Variants in WNT10B observed in about 807,000 individuals in gnomAD.
The protein encoded by WNT10B is Wnt family member 10B.
A neutral mutation model predicts 32.7 loss-of-function variants in WNT10B; 26 were observed. The ratio of observed to expected loss-of-function variants is 0.79; its 90% CI spans 0.58 to 1.10. The LOEUF is 1.10. Ranked by LOEUF, WNT10B falls within the 50% of genes least tolerant of loss-of-function variation. The pLI, the probability that WNT10B is intolerant of heterozygous loss-of-function variation, is 0.00. For synonymous variants in WNT10B, 204 were observed against 220.4 expected, an observed-to-expected ratio of 0.93 and a Z score of 0.66; for missense variants, 474 against 532.5, an observed-to-expected ratio of 0.89 and a Z score of 1.08.
intron 4 of WNT10B, 48 bp from the exon 5 acceptor site, chr12:48,966,601 C>A: frequency 6.3e-7 from 1 of 1,599,910 alleles, no homozygotes. Flanking sequence ...AGCAAATGGA[C>A]AGAACACAGA....
In WNT10B at chr12:48,970,427, T is replaced by C; in HGVS notation, c.74+29A>G. 5 of 1,613,748 alleles carry C rather than the reference T, an allele frequency of 3.1e-6. No homozygotes were observed. In the South Asian group the frequency reaches 4.4e-5, roughly 14 times the overall value. Reference sequence around the variant, plus strand: ...TCCCCACCCCGGGTCGGTGTTTCTATGGCCTGGGAGACAAGGGGAACTGCT... The same window carrying C: ...TCCCCACCCCGGGTCGGTGTTTCTACGGCCTGGGAGACAAGGGGAACTGCT... On this transcript the variant is annotated intron_variant, in intron 2 of 4. Transcript: ENST00000301061. This position sits in a 1 kb window ranked among gnomAD's most constrained non-coding sequence, Gnocchi z 5.0.
In WNT10B at chr12:48,965,912, G is replaced by A; in HGVS notation, c.*183C>T. 1 of 685,254 alleles carries A rather than the reference G, an allele frequency of 1.5e-6. No individual in the cohort carries two copies. The highest frequency in any genetic ancestry group is 2.5e-6 in the Non-Finnish European group (1 of 406,904). The allele number at this position is 685,254 out of a possible 1,614,324, so 42.4% of individuals were successfully genotyped here. A position where few individuals can be genotyped will look rare whatever the true frequency, so the allele number is the denominator to read the frequency against. On this transcript the variant is annotated 3_prime_UTR_variant, in exon 5 of 5. Coordinates refer to ENST00000301061, the MANE Select transcript of WNT10B (RefSeq NM_003394.4). Reference sequence around the variant, plus strand: ...AGCTTCCCCTCAAGACCCTCCAATTGTTGGGGAGAAGGCTACACATCCCAG... The same window carrying A: ...AGCTTCCCCTCAAGACCCTCCAATTATTGGGGAGAAGGCTACACATCCCAG...
Position 48,965,802 on chromosome 12 carries a change from GC to G in WNT10B, c.*292del. 1 of 449,570 alleles carries G rather than the reference GC, an allele frequency of 2.2e-6. No individual in the cohort carries two copies. Among genetic ancestry groups the G allele is most frequent in the Non-Finnish European group, 4.1e-6 (1 of 244,526 alleles). The allele number at this position is 449,570 out of a possible 1,614,324, so 27.8% of individuals were successfully genotyped here. On this transcript the variant is annotated 3_prime_UTR_variant, in exon 5 of 5. Transcript: ENST00000301061. ...AGGAGTATGAATCAGGGTTAAAGGGGCTCTGGAGTTGAGAAGTGGGAGGAGC... is the reference window on the plus strand; with the variant it reads ...AGGAGTATGAATCAGGGTTAAAGGGGTCTGGAGTTGAGAAGTGGGAGGAGC...
rs200116103 is a variant in WNT10B at position 48,966,433 on chromosome 12, G to A, written c.832C>T (p.Arg278Trp). The A allele has an allele frequency of 7.4e-6, 12 of 1,614,000 alleles. No homozygotes were observed. The highest frequency in any genetic ancestry group is 2.2e-5 in the East Asian group (1 of 44,874). Residue 278 changes from arginine to tryptophan, a missense_variant, in exon 5 of 5, where the codon CGG becomes TGG. Physicochemically the swap from Arg to Trp is moderately radical, Grantham distance 101. Transcript: ENST00000301061. ...FRAVGAALRE[R>W]LGRAIFIDTH... ...TCAATGAAGATGGCCCGGCCCAGCC[G>A]CTCCCTCAACGCCGCCCCCACTGCC...
Position 48,970,676 on chromosome 12 carries a change from CCCTT to C in WNT10B, c.-40-111_-40-108del. 1.3e-6 allele frequency: 1 copy of C among 774,632 alleles called. No individual in the cohort carries two copies. Among genetic ancestry groups the C allele is most frequent in the Admixed American group, 2.6e-5 (1 of 38,804 alleles). 48.0% of individuals were successfully genotyped at this position (774,632 alleles called of 1,614,324 possible). On this transcript the variant is annotated intron_variant, in intron 1 of 4. Transcript: ENST00000301061. This position sits in a 1 kb window ranked among gnomAD's most constrained non-coding sequence, Gnocchi z 5.0. ...TAACCCACCGGTGCCACCCTACTGA[CCCTT>C]CTCATTCCTCCTCAAACAAAACAAG...
rs545738992 is a variant in WNT10B at position 48,966,174 on chromosome 12, C to A, written c.1091G>T (p.Cys364Phe). 1 of 1,613,584 alleles carries A rather than the reference C, an allele frequency of 6.2e-7. No homozygotes were observed. Among genetic ancestry groups the A allele is most frequent in the Admixed American group, 1.7e-5 (1 of 60,022 alleles). Reference protein sequence around the residue: ...NVLRQTRVERCHCRFHWCCYV... With the variant: ...NVLRQTRVERFHCRFHWCCYV... ...GCAGCACCAGTGGAAGCGGCAATGG[C>A]AGCGCTCAACTCGTGTCTGCCGGAG... The change falls in exon 5 of 5, where the codon TGC becomes TTC. Residue 364 changes from cysteine to phenylalanine, a missense_variant. Physicochemically the swap from Cys to Phe is radical, Grantham distance 205. Coordinates refer to ENST00000301061, the MANE Select transcript of WNT10B (RefSeq NM_003394.4).
chr12:48,970,661 G>A lies in WNT10B; in HGVS notation c.-40-92C>T, dbSNP rs1377422840. 6.4e-6 allele frequency: 6 copies of A among 944,142 alleles called. No individual in the cohort carries two copies. The highest frequency in any genetic ancestry group is 3.2e-4 in the Middle Eastern group (1 of 3,114). The allele number at this position is 944,142 out of a possible 1,614,324, so 58.5% of individuals were successfully genotyped here. A position where few individuals can be genotyped will look rare whatever the true frequency, so the allele number is the denominator to read the frequency against. ...CCTTCTTCGGGCTCCTAACCCACCG[G>A]TGCCACCCTACTGACCCTTCTCATT... On this transcript the variant is annotated intron_variant, in intron 1 of 4. Transcript: ENST00000301061. The surrounding 1 kb of genome is among the most constrained non-coding windows in gnomAD (Gnocchi z 5.0).
chr12:48,971,216 C>G (rs1429820380), intron 1 of WNT10B, among the ~76,000 whole-genome samples: 1 of 152,224 alleles, frequency 6.6e-6, no homozygotes, highest in Non-Finnish European at 1.5e-5. Context: ...CTACAAGCTC[C>G]CCTCCTCCAT....
At position 48,966,220 on chromosome 12, in the gene WNT10B, A is replaced by G. The variant is rs1165695871; in HGVS notation, c.1045T>C (p.Cys349Arg). 4 of 1,614,118 alleles carry G rather than the reference A, an allele frequency of 2.5e-6. No individual in the cohort carries two copies. The highest frequency in any genetic ancestry group is 4.5e-5 in the East Asian group (2 of 44,892). ...CGGAGCACGTTGTGCCCACGGCCACAGCACAGGCTGCCACAGCCATCCAAC... is the reference window on the plus strand; with the variant it reads ...CGGAGCACGTTGTGCCCACGGCCACGGCACAGGCTGCCACAGCCATCCAAC... The part of the protein sequence containing the change: ...RLLDGCGSLC[C>R]GRGHNVLRQT... The change falls in exon 5 of 5, where the codon TGT becomes CGT. Residue 349 changes from cysteine (C) to arginine (R), a missense_variant. Transcript: ENST00000301061.
At position 48,965,982 on chromosome 12, in the gene WNT10B, T is replaced by TA; in HGVS notation, c.*112dup. 1.5e-6 allele frequency: 2 copies of TA among 1,313,914 alleles called. No individual in the cohort carries two copies. Among genetic ancestry groups the TA allele is most frequent in the Non-Finnish European group, 2.1e-6 (2 of 943,664 alleles). The allele number at this position is 1,313,914 out of a possible 1,614,324, so 81.4% of individuals were successfully genotyped here. A position where few individuals can be genotyped will look rare whatever the true frequency, so the allele number is the denominator to read the frequency against. ...ACCCCTAAAGCTGTTTCCAGGTAGATACTTTAAGCTTCCAGGGACCAAGAG... is the reference window on the plus strand; with the variant it reads ...ACCCCTAAAGCTGTTTCCAGGTAGATAACTTTAAGCTTCCAGGGACCAAGAG... On this transcript the variant is annotated 3_prime_UTR_variant, in exon 5 of 5. Transcript: ENST00000301061.
intron 4 of WNT10B, among the ~76,000 whole-genome samples, chr12:48,967,409 C>T (rs966778048): frequency 6.6e-6 from 1 of 152,082 alleles, no homozygotes; most frequent in Non-Finnish European, 1.5e-5. Context: ...CTTGATCCAC[C>T]CGCCTCGGCC....
chr12:48,968,374 G>A (rs888519757), intron 3 of WNT10B, 55 bp from the exon 4 acceptor site: 27 of 1,598,542 alleles, frequency 1.7e-5, no homozygotes, highest in Non-Finnish European at 2.2e-5. Context: ...AGCTGAGAGT[G>A]TGGAGGCAGA....
rs140227583 is a variant in WNT10B at position 48,968,142 on chromosome 12, C to T, written c.515G>A (p.Ser172Asn). The change falls in exon 4 of 5, where the codon AGT becomes AAT. Residue 172 changes from serine to asparagine, a missense_variant. Coordinates refer to ENST00000301061, the MANE Select transcript of WNT10B (RefSeq NM_003394.4). ...LQLQALSRGK[S>N]FPHSLPSPGP... is the part of the protein sequence containing the mutation. ...AGGGCTGGGCAGAGAGTGGGGGAAACTCTTGCCTCGGGACAGTGCCTGCAG... is the reference window on the plus strand; with the variant it reads ...AGGGCTGGGCAGAGAGTGGGGGAAATTCTTGCCTCGGGACAGTGCCTGCAG... 1.9e-4 allele frequency: 309 copies of T among 1,614,146 alleles called. No individual in the cohort carries two copies. Among genetic ancestry groups the T allele is most frequent in the Non-Finnish European group, 2.6e-4 (301 of 1,180,050 alleles).
At position 48,966,465 on chromosome 12, in the gene WNT10B, T is replaced by C; in HGVS notation, c.800A>G (p.Glu267Gly). The change falls in exon 5 of 5, where the codon GAG (glutamate) becomes GGG (glycine). Residue 267 changes from glutamate to glycine, a missense_variant. Physicochemically the swap from Glu to Gly is moderately conservative, Grantham distance 98 (BLOSUM62 -2). Transcript: ENST00000301061. ...CAACGCCGCCCCCACTGCCCGGAAC[T>C]CTGGGGCCGCCCTCCAGCATGTCTT... ...QFKTCWRAAP[E>G]FRAVGAALRE... is the part of the protein sequence containing the mutation. 1.2e-6 allele frequency: 2 copies of C among 1,613,992 alleles called. No individual in the cohort carries two copies. Among genetic ancestry groups the C allele is most frequent in the Non-Finnish European group, 1.7e-6 (2 of 1,180,018 alleles).
chr12:48,970,824 C>G lies in WNT10B; in HGVS notation c.-40-255G>C. Reference sequence around the variant, plus strand: ...ACCCCTGGAACCTTGCCCAATCAGACACAACGCCCGGCACACAGACACACA... The same window carrying G: ...ACCCCTGGAACCTTGCCCAATCAGAGACAACGCCCGGCACACAGACACACA... On this transcript the variant is annotated intron_variant, in intron 1 of 4. Transcript: ENST00000301061. This position sits in a 1 kb window ranked among gnomAD's most constrained non-coding sequence, Gnocchi z 5.0. The G allele has an allele frequency of 1.8e-6, 1 of 544,846 alleles. No individual in the cohort carries two copies. Among genetic ancestry groups the G allele is most frequent in the Non-Finnish European group, 3.3e-6 (1 of 302,978 alleles). The allele number at this position is 544,846 out of a possible 1,614,324, so 33.8% of individuals were successfully genotyped here. A position where few individuals can be genotyped will look rare whatever the true frequency, so the allele number is the denominator to read the frequency against.
Position 48,967,596 on chromosome 12 carries a change from G to A in WNT10B, c.711+350C>T, listed in dbSNP as rs1042244399. ...ATTACAGACATGAGCCACCGCGCCC[G>A]GCCCAGTCTGTTTTTATATGTATAA... On this transcript the variant is annotated intron_variant, in intron 4 of 4. Transcript: ENST00000301061. Among the ~76,000 whole-genome samples, 20 of 152,186 alleles carry A rather than the reference G, an allele frequency of 1.3e-4. 1 individual carries two copies. The highest frequency in any genetic ancestry group is 7.8e-4 in the Admixed American group (12 of 15,288).
Position 48,966,048 on chromosome 12 carries a change from C to T in WNT10B, c.*47G>A. On this transcript the variant is annotated 3_prime_UTR_variant, in exon 5 of 5. Transcript: ENST00000301061. Reference sequence around the variant, plus strand: ...ATCAGAGCAAAGGGCTGAAAAGGCGCCCCTCTCACACAGTCCTCTTCCCCA... The same window carrying T: ...ATCAGAGCAAAGGGCTGAAAAGGCGTCCCTCTCACACAGTCCTCTTCCCCA... The T allele has an allele frequency of 3.7e-6, 6 of 1,606,290 alleles. No homozygotes were observed. The highest frequency in any genetic ancestry group is 5.1e-6 in the Non-Finnish European group (6 of 1,175,606).
intron 3 of WNT10B, among the ~76,000 whole-genome samples, chr12:48,969,409 C>A (rs1940804798): frequency 6.6e-6 from 1 of 152,202 alleles, no homozygotes; most frequent in African/African-American, 2.4e-5. Context: ...GCTGAGCCCC[C>A]ATGGGTCTTT....
intron 1 of WNT10B, among the ~76,000 whole-genome samples, chr12:48,971,188 A>G (rs950471051): frequency 2.0e-5 from 3 of 152,166 alleles, no homozygotes; most frequent in Non-Finnish European, 4.4e-5. Flanking sequence ...CCTCTTCCCT[A>G]TCCCCCACCT....
Sources: gnomAD v4.1 joint callset for allele counts (sites outside exome capture counted in the v4.1 genomes callset) on GRCh38, gnomAD v4.1.1 for gene constraint, Gnocchi (gnomAD v3.1) non-coding constraint, MANE v1.5 for transcripts, NCBI Gene and HGNC (gene_info 2026-07-23, HGNC 2026-07-21) for gene names.